The following BAIAP2 variants were observed in gnomAD, a reference collection of about 807,000 sequenced individuals.
The protein encoded by BAIAP2 is BAR/IMD domain-containing adapter protein 2.
A neutral mutation model predicts 63.0 loss-of-function variants in BAIAP2; 18 were observed. That is an observed-to-expected ratio of 0.29 (90% CI 0.20 to 0.42). BAIAP2 has a LOEUF of 0.42. BAIAP2 is among the 10% of genes least tolerant of loss of function. BAIAP2 has a pLI of 1.00. For missense variants in BAIAP2, 610 were observed against 734.3 expected (o/e 0.83, Z 1.96); for synonymous variants, 386 against 307.6 (o/e 1.25, Z -2.67).
intron 6 of BAIAP2, among the ~76,000 whole-genome samples, chr17:81,095,722 C>G (rs912956041): frequency 6.6e-6 from 1 of 152,110 alleles, no homozygotes. Context: ...GGAGGGGCCC[C>G]GCCAGAGCAC....
At chr17:81,044,445 C>T (rs1466885295) in intron 1 of BAIAP2, among the ~76,000 whole-genome samples, 1 of 152,246 alleles carries the variant, frequency 6.6e-6, no homozygotes, top group Non-Finnish European at 1.5e-5. Context: ...TATCTGTGCC[C>T]TCTTTCTTGT....
At chr17:81,041,451 G>A (rs2047061448) in intron 1 of BAIAP2, among the ~76,000 whole-genome samples, 1 of 152,264 alleles carries the variant, frequency 6.6e-6, no homozygotes, top group Non-Finnish European at 1.5e-5. Context: ...GGGAAAGGCT[G>A]TCAGTTACAA....
intron 6 of BAIAP2, among the ~76,000 whole-genome samples, chr17:81,087,230 C>T (rs1313077031): frequency 6.6e-6 from 1 of 152,226 alleles, no homozygotes; most frequent in Non-Finnish European, 1.5e-5. Flanking sequence ...CAGGAAAACC[C>T]CTGGCCAGTC....
At position 81,061,244 on chromosome 17, in the gene BAIAP2, C is replaced by T. The variant is rs546292979; in HGVS notation, c.217+3277C>T. Among the ~76,000 whole-genome samples, 12 of 152,322 alleles carry T rather than the reference C, an allele frequency of 7.9e-5. No homozygotes were observed. The South Asian group carries it at 8.3e-4, about 11-fold the overall frequency. ...CACAGTATTTGTTTAAACTCATGTACGGTGTTATCTGATGATATAAATTCT... is the reference window on the plus strand; with the variant it reads ...CACAGTATTTGTTTAAACTCATGTATGGTGTTATCTGATGATATAAATTCT... On this transcript the variant is annotated intron_variant, in intron 3 of 13. Transcript: ENST00000428708.
At chr17:81,093,074 A>G (rs2057051836) in intron 6 of BAIAP2, among the ~76,000 whole-genome samples, 2 of 140,150 alleles carry the variant, frequency 1.4e-5, no homozygotes, top group South Asian at 4.6e-4. Flanking sequence ...TGGCCCACCC[A>G]CTCCCTGGGC....
intron 1 of BAIAP2, among the ~76,000 whole-genome samples, chr17:81,042,986 C>T (rs2047299106): frequency 6.6e-6 from 1 of 152,142 alleles, no homozygotes; most frequent in African/African-American, 2.4e-5. Flanking sequence ...TGGGCTCAAG[C>T]AATTCCAAGA....
intron 8 of BAIAP2, 83 bp downstream of exon 8, chr17:81,103,806 G>A: frequency 6.3e-7 from 1 of 1,580,674 alleles, no homozygotes; most frequent in South Asian, 1.1e-5. Context: ...CCAGGGTGCA[G>A]AGTCCAGGGG....
intron 3 of BAIAP2, chr17:81,063,601 G>GCAGTTGC (rs1306198141): frequency 6.6e-6 from 1 of 152,432 alleles, no homozygotes; most frequent in Non-Finnish European, 1.5e-5. Flanking sequence ...CGGGGGCTCA[G>GCAGTTGC]CAGTTGCCCT....
At chr17:81,109,125 C>T in intron 13 of BAIAP2, 1 of 1,455,820 alleles carries the variant, frequency 6.9e-7, no homozygotes, top group Non-Finnish European at 9.1e-7. Context: ...CTGCCCCATG[C>T]CTTTTGGTTG....
In BAIAP2 at chr17:81,046,471, TCACACCCC is replaced by T. The variant is rs2047821812; in HGVS notation, c.55-7192_55-7185del. 6.6e-6 allele frequency among the ~76,000 whole-genome samples: 1 copy of T among 152,014 alleles called. No individual in the cohort carries two copies. The highest frequency in any genetic ancestry group is 6.5e-5 in the Admixed American group (1 of 15,272). ...CCACACCACTCCAGCCAGGCTTCCT[TCACACCCC>T]CACAGCCCCCACTCCTCTTGCCCTG... On this transcript the variant is annotated intron_variant, in intron 1 of 13. Coordinates refer to ENST00000428708, the MANE Select transcript of BAIAP2 (RefSeq NM_001144888.2). The surrounding 1 kb of genome is among the most constrained non-coding windows in gnomAD (Gnocchi z 4.5).
At chr17:81,065,118 TC>T (rs1261382394) in intron 3 of BAIAP2, among the ~76,000 whole-genome samples, 1 of 152,178 alleles carries the variant, frequency 6.6e-6, no homozygotes, top group Admixed American at 6.5e-5. Context: ...CTCCTCATCC[TC>T]TTGGGCTTTG....
chr17:81,104,411 TG>T, intron 9 of BAIAP2, 102 bp from the exon 10 acceptor site: 1 of 1,299,670 alleles, frequency 7.7e-7, no homozygotes, highest in Non-Finnish European at 1.1e-6. Flanking sequence ...CTTACCCACC[TG>T]GGGCACAGGC....
chr17:81,063,956 C>CTCAGT (rs386386767), intron 3 of BAIAP2: 3 of 152,232 alleles, frequency 2.0e-5, no homozygotes, highest in African/African-American at 7.2e-5. Flanking sequence ...AGGTGCTCAG[C>CTCAGT]TCAGACCAGC....
intron 6 of BAIAP2, among the ~76,000 whole-genome samples, chr17:81,091,775 A>C (rs2145538347): frequency 6.6e-6 from 1 of 152,318 alleles, no homozygotes; most frequent in South Asian, 2.1e-4. Flanking sequence ...AGTAGCAGAG[A>C]AGCAGATGCC....
intron 3 of BAIAP2, among the ~76,000 whole-genome samples, chr17:81,072,205 T>A (rs893375467): frequency 1.3e-5 from 2 of 152,198 alleles, no homozygotes; most frequent in Non-Finnish European, 2.9e-5. Flanking sequence ...CACTCCCTTT[T>A]CCCAGATGGC....
chr17:81,072,281 T>C (rs933118699), intron 3 of BAIAP2, among the ~76,000 whole-genome samples: 7 of 152,220 alleles, frequency 4.6e-5, no homozygotes, highest in African/African-American at 1.7e-4. Flanking sequence ...ACAATGTTCC[T>C]TGATTCCCTC....
At position 81,104,733 on chromosome 17, in the gene BAIAP2, G is replaced by C. The variant is rs1381225094; in HGVS notation, c.1268+18G>C. 1 of 1,547,470 alleles carries C rather than the reference G, an allele frequency of 6.5e-7. No individual in the cohort carries two copies. The highest frequency in any genetic ancestry group is 1.9e-5 in the Admixed American group (1 of 51,992). ...ACCAAGATGTGAGTGTTTCTCGGGG[G>C]CGGGCTCCAGGCAGCCGCTGCCTTC... On this transcript the variant is annotated intron_variant, in intron 10 of 13. Coordinates refer to ENST00000428708, the MANE Select transcript of BAIAP2 (RefSeq NM_001144888.2).
chr17:81,086,987 G>A (rs147512436), intron 6 of BAIAP2: 14 of 183,922 alleles, frequency 7.6e-5, no homozygotes, highest in East Asian at 3.0e-4. Context: ...GAGCGGCTTC[G>A]GTGTTGTTTC....
At position 81,106,153 on chromosome 17, in the gene BAIAP2, T is replaced by C; in HGVS notation, c.1337+7T>C. 1 of 1,574,700 alleles carries C rather than the reference T, an allele frequency of 6.4e-7. No homozygotes were observed. On this transcript the variant is annotated splice_region_variant and intron_variant, in intron 11 of 13. Coordinates refer to ENST00000428708, the MANE Select transcript of BAIAP2 (RefSeq NM_001144888.2). ...GTGACAGGCTGCACATGAGGTGAGCTCTGGGCCCAACGGGAGTGTAAGATC... is the reference window on the plus strand; with the variant it reads ...GTGACAGGCTGCACATGAGGTGAGCCCTGGGCCCAACGGGAGTGTAAGATC...
Sources: gnomAD v4.1 joint callset for allele counts (sites outside exome capture counted in the v4.1 genomes callset) on GRCh38, gnomAD v4.1.1 for gene constraint, Gnocchi (gnomAD v3.1) non-coding constraint, MANE v1.5 for transcripts, NCBI Gene and HGNC (gene_info 2026-07-23, HGNC 2026-07-21) for gene names.